CELF4: variants seen among roughly 807,000 people sequenced by gnomAD.
CELF4 encodes the protein CUG-BP- and ETR-3-like factor 4.
In CELF4, 18 loss-of-function variants were observed where a neutral mutation model predicts 59.9. The ratio of observed to expected loss-of-function variants is 0.30; its 90% CI spans 0.21 to 0.45. The LOEUF is 0.45. Among genes scored for constraint, CELF4 ranks in the 20% least tolerant of loss-of-function variants. The probability of loss-of-function intolerance (pLI) is 1.00; values close to 1 mark genes in which losing one functional copy is unlikely to be tolerated. For missense variants in CELF4, 456 were observed against 689.0 expected, an observed-to-expected ratio of 0.66 and a Z score of 3.79; for synonymous variants, 261 against 267.1, an observed-to-expected ratio of 0.98 and a Z score of 0.22.
At chr18:37,470,105 T>C (rs1003976567) in intron 2 of CELF4, among the ~76,000 whole-genome samples, 2 of 152,238 alleles carry the variant, frequency 1.3e-5, no homozygotes, top group African/African-American at 4.8e-5. Flanking sequence ...TTCGCTGAAG[T>C]CTTTGTAGAT....
intron 3 of CELF4, among the ~76,000 whole-genome samples, chr18:37,278,748 CA>C (rs1602164277): frequency 6.6e-6 from 1 of 152,088 alleles, no homozygotes; most frequent in Non-Finnish European, 1.5e-5. Context: ...GGGCAGAGGT[CA>C]AAGAGGGTGA....
At chr18:37,452,277 G>T (rs2099766179) in intron 2 of CELF4, among the ~76,000 whole-genome samples, 1 of 152,178 alleles carries the variant, frequency 6.6e-6, no homozygotes. Context: ...TAGAACTGCA[G>T]AACTCTAACA....
intron 2 of CELF4, chr18:37,474,124 C>T (rs2099842119): frequency 1.3e-5 from 2 of 152,142 alleles, no homozygotes; most frequent in Non-Finnish European, 2.9e-5. Flanking sequence ...AACACGAGGC[C>T]CCAGACTCTG....
rs183330438 is a variant in CELF4, at chr18:37,287,729, G to A, written c.449-12486C>T. ...TCAGAGGGCCCATGCTTAAGTACAC[G>A]GTGTATTAACTCATGACTGATAATG... is the stretch of plus-strand genomic sequence containing the variant. On this transcript the variant is annotated intron_variant, in intron 3 of 12. Coordinates refer to ENST00000420428, the MANE Select transcript of CELF4 (RefSeq NM_020180.4). Among the ~76,000 whole-genome samples, 15 of 152,272 alleles carry A rather than the reference G, an allele frequency of 9.9e-5. No individual in the cohort carries two copies. The East Asian group carries it at 1.4e-3, about 14-fold the overall frequency.
chr18:37,358,205 C>T (rs1018783730), intron 2 of CELF4, among the ~76,000 whole-genome samples: 2 of 152,108 alleles, frequency 1.3e-5, no homozygotes, highest in Admixed American at 6.6e-5. Context: ...GGGAGGGACC[C>T]GGTGGGAGGT....
chr18:37,460,773 C>G (rs1360094487), intron 2 of CELF4, among the ~76,000 whole-genome samples: 1 of 152,208 alleles, frequency 6.6e-6, no homozygotes, highest in African/African-American at 2.4e-5. Context: ...CACTGGTTCC[C>G]ACAGAAGTCT....
At position 37,419,691 on chromosome 18, in the gene CELF4, A is replaced by G. The variant is rs188642292; in HGVS notation, c.369+65834T>C. On this transcript the variant is annotated intron_variant, in intron 2 of 12. Coordinates refer to ENST00000420428, the MANE Select transcript of CELF4 (RefSeq NM_020180.4). ...GGAGAGAGCTTAGGCAAGACTGTAA[A>G]ACCCTCAGGGACGCCCTCCGGTACC... Among the ~76,000 whole-genome samples, 26 of 152,264 alleles carry G rather than the reference A, an allele frequency of 1.7e-4. No homozygotes were observed. The East Asian group carries it at 4.4e-3, about 26-fold the overall frequency.
Position 37,379,507 on chromosome 18 carries a change from C to CAAAAAA in CELF4, c.370-57632_370-57627dup, listed in dbSNP as rs56250210. 5.4e-3 allele frequency among the ~76,000 whole-genome samples: 245 copies of CAAAAAA among 45,598 alleles called. 15 individuals carry two copies. The highest frequency in any genetic ancestry group is 0.011 in the African/African-American group (117 of 10,588). 29.9% of individuals were successfully genotyped at this position (45,598 alleles called of 152,430 possible). On this transcript the variant is annotated intron_variant, in intron 2 of 12. Transcript: ENST00000420428. ...GGCATCACAAATAAGAGGCCATAAG[C>CAAAAAA]AAAAAAAAAAAAAAAAAAAAAAAAA...
At chr18:37,405,038 C>T (rs1246171115) in intron 2 of CELF4, among the ~76,000 whole-genome samples, 1 of 152,222 alleles carries the variant, frequency 6.6e-6, no homozygotes, top group Non-Finnish European at 1.5e-5. Context: ...CGTTCACCCA[C>T]GGGGCCACTC....
chr18:37,297,098 G>A (rs943392674), intron 3 of CELF4, among the ~76,000 whole-genome samples: 7 of 152,200 alleles, frequency 4.6e-5, no homozygotes, highest in Non-Finnish European at 8.8e-5. Context: ...AGGCATCAGG[G>A]GGTGCAGTGA....
intron 2 of CELF4, among the ~76,000 whole-genome samples, chr18:37,334,898 G>A (rs1203830334): frequency 3.3e-5 from 5 of 152,034 alleles, no homozygotes; most frequent in African/African-American, 1.2e-4. Context: ...TGATGATGCC[G>A]GCCAAGCACA....
chr18:37,509,636 A>G (rs2099942002), intron 1 of CELF4, among the ~76,000 whole-genome samples: 1 of 152,260 alleles, frequency 6.6e-6, no homozygotes, highest in Non-Finnish European at 1.5e-5. Flanking sequence ...CATAAGCCGT[A>G]TGATCTAGCA....
intron 1 of CELF4, among the ~76,000 whole-genome samples, chr18:37,522,096 T>C (rs2099958098): frequency 6.6e-6 from 1 of 150,746 alleles, no homozygotes; most frequent in African/African-American, 2.5e-5. Flanking sequence ...GTGCCTTTCT[T>C]CTGGTGGACA....
At chr18:37,534,101 A>G (rs2099971608) in intron 1 of CELF4, among the ~76,000 whole-genome samples, 3 of 152,148 alleles carry the variant, frequency 2.0e-5, no homozygotes. Flanking sequence ...GGTATTGGCA[A>G]TATTTGCCTT....
chr18:37,468,838 C>T (rs1213061994), intron 2 of CELF4, among the ~76,000 whole-genome samples: 1 of 152,134 alleles, frequency 6.6e-6, no homozygotes. Flanking sequence ...AGAACTCACT[C>T]ACTATCACGA....
chr18:37,471,695 CT>C (rs1172532264), intron 2 of CELF4, among the ~76,000 whole-genome samples: 1 of 152,168 alleles, frequency 6.6e-6, no homozygotes, highest in Non-Finnish European at 1.5e-5. Flanking sequence ...GCATGTACAT[CT>C]TCTCTCCTCC....
intron 2 of CELF4, chr18:37,474,022 C>T (rs2099841776): frequency 6.6e-5 from 10 of 152,194 alleles, no homozygotes; most frequent in Admixed American, 6.5e-4. Flanking sequence ...GCAGCTGGAC[C>T]TGCTCTGCTT....
intron 3 of CELF4, among the ~76,000 whole-genome samples, 190 bp downstream of exon 3, chr18:37,321,613 C>T (rs1461812295): frequency 1.3e-5 from 2 of 152,218 alleles, no homozygotes; most frequent in Non-Finnish European, 2.9e-5. Context: ...CCCAAACACC[C>T]CCCTTCCCTC....
chr18:37,485,409 G>A (rs1316717463), intron 2 of CELF4, 116 bp downstream of exon 2: 14 of 206,940 alleles, frequency 6.8e-5, no homozygotes, highest in African/African-American at 5.3e-4. Flanking sequence ...CCCGAGCTCA[G>A]GCGGGGCGGC....
Sources: allele counts gnomAD v4.1 joint callset (sites outside exome capture counted in the v4.1 genomes callset), GRCh38; gene constraint gnomAD v4.1.1; transcripts MANE v1.5; gene names NCBI Gene and HGNC (gene_info 2026-07-23, HGNC 2026-07-21).